Variants in CRLF2 observed in about 807,000 individuals in gnomAD.
CRLF2 encodes cytokine receptor like factor 2, also known as cytokine receptor-like factor 2.
Under a neutral mutation model 38.7 loss-of-function variants are expected in CRLF2, and 41 were observed. The ratio of observed to expected loss-of-function variants is 1.06; its 90% CI spans 0.83 to 1.37. CRLF2 has a LOEUF of 1.37. CRLF2 is among the 40% of genes most tolerant of loss of function. The pLI is 0.00. For missense variants in CRLF2, 377 were observed against 322.2 expected, an observed-to-expected ratio of 1.17 and a Z score of -1.30; for synonymous variants, 140 against 128.8, an observed-to-expected ratio of 1.09 and a Z score of -0.59.
At chrX:1,209,652 A>C (rs1433744266) in intron 1 of CRLF2, among the ~76,000 whole-genome samples, 1 of 152,090 alleles carries the variant, frequency 6.6e-6, no homozygotes, top group African/African-American at 2.4e-5. Context: ...TGTTTTTGCA[A>C]AAGGTAAGTT....
chrX:1,208,132 T>TA (rs1168868476), intron 2 of CRLF2, among the ~76,000 whole-genome samples: 2 of 152,098 alleles, frequency 1.3e-5, no homozygotes, highest in Admixed American at 1.3e-4. Context: ...GGGTTGGGGG[T>TA]AGCCCCGGGT....
At chrX:1,196,642 C>A in intron 6 of CRLF2, 138 bp downstream of exon 6, 1 of 1,122,576 alleles carries the variant, frequency 8.9e-7, no homozygotes, top group Non-Finnish European at 1.2e-6. Flanking sequence ...TCTTATAATC[C>A]ACCATCAGAA....
chrX:1,198,155 C>CCTAG (rs757208360), intron 5 of CRLF2, among the ~76,000 whole-genome samples: 5 of 76,824 alleles, frequency 6.5e-5, no homozygotes, highest in East Asian at 7.8e-4. Flanking sequence ...CCTCCCACCT[C>CCTAG]GAAGGCAGGA....
At chrX:1,192,721 TTTC>T (rs1422068112) in intron 7 of CRLF2, among the ~76,000 whole-genome samples, 3 of 65,252 alleles carry the variant, frequency 4.6e-5, no homozygotes, top group Admixed American at 1.6e-4. Context: ...TCTTTCTTTC[TTTC>T]TTTCTTTCTT....
intron 5 of CRLF2, among the ~76,000 whole-genome samples, chrX:1,197,217 C>T (rs76480852): frequency 0.086 from 12,916 of 150,882 alleles, 653 homozygotes; most frequent in Middle Eastern, 0.15. Context: ...CTCAGCCTCC[C>T]GAGCAGCTGG....
intron 6 of CRLF2, among the ~76,000 whole-genome samples, chrX:1,195,080 C>G (rs1177315778): frequency 0.053 from 7,942 of 150,932 alleles, 299 homozygotes; most frequent in Middle Eastern, 0.19. Flanking sequence ...AACCTCCCAC[C>G]TACTGGGGAG....
chrX:1,198,182 TCCCAGGAAGGCAGGACACCC>T (rs1569468887), intron 5 of CRLF2, among the ~76,000 whole-genome samples: 4,211 of 112,232 alleles, frequency 0.038, 389 homozygotes, highest in East Asian at 0.061. Context: ...CCCTCCCACC[TCCCAGGAAGGCAGGACACCC>T]TCCCTCCCAC....
chrX:1,200,680 G>C (rs1241119077), intron 4 of CRLF2, among the ~76,000 whole-genome samples: 2 of 61,906 alleles, frequency 3.2e-5, no homozygotes, highest in Non-Finnish European at 6.9e-5. Context: ...TATATAAGCT[G>C]TGTGTGTGTG....
intron 7 of CRLF2, among the ~76,000 whole-genome samples, chrX:1,192,186 C>T (rs1202858852): frequency 1.7e-5 from 2 of 118,958 alleles, no homozygotes; most frequent in South Asian, 2.8e-4. Flanking sequence ...GCCTGGGCGA[C>T]AGAGCGAGAC....
rs140859855 is a variant in CRLF2 at position 1,212,602 on chromosome X, G to A, written c.33C>T (p.Ala11=). 3.1e-6 allele frequency: 5 copies of A among 1,611,850 alleles called. No homozygotes were observed. Among genetic ancestry groups the A allele is most frequent in the East Asian group, 4.5e-5 (2 of 44,800 alleles). ...CCATCCAGCCTCCCAGCAGAAAGAC[G>A]GCAGCTCCCCACAGCAGAACCAGCC... MGRLVLLWGA[A]VFLLGGWMAL... is the part of the protein sequence containing the mutation. Residue 11 remains alanine, a synonymous_variant, in exon 1 of 8, where the codon GCC becomes GCT. Transcript: ENST00000400841.
intron 3 of CRLF2, among the ~76,000 whole-genome samples, chrX:1,205,228 T>C (rs2086671616): frequency 6.6e-6 from 1 of 152,196 alleles, no homozygotes; most frequent in Non-Finnish European, 1.5e-5. Flanking sequence ...GGGAACTTCC[T>C]GGAAGGCCGG....
At chrX:1,192,530 C>G (rs1254796507) in intron 7 of CRLF2, among the ~76,000 whole-genome samples, 1 of 151,702 alleles carries the variant, frequency 6.6e-6, no homozygotes, top group East Asian at 1.9e-4. Flanking sequence ...GCAGGAGAAT[C>G]ATTTGACCCT....
chrX:1,197,379 A>G (rs1295322908), intron 5 of CRLF2, among the ~76,000 whole-genome samples: 3 of 151,678 alleles, frequency 2.0e-5, no homozygotes, highest in South Asian at 2.1e-4. Context: ...GGACAACAAC[A>G]CATCCCACAG....
Position 1,199,928 on chromosome X carries a change from A to ACATGTGTTG in CRLF2, c.484-1205_484-1204insCAACACATG, listed in dbSNP as rs1231107303. 6.0e-5 allele frequency among the ~76,000 whole-genome samples: 9 copies of ACATGTGTTG among 150,588 alleles called. No individual in the cohort carries two copies. The East Asian group carries it at 1.8e-3, about 30-fold the overall frequency. On this transcript the variant is annotated intron_variant, in intron 4 of 7. Transcript: ENST00000400841. ...ATATATGTGTATATATAAGCTGTGT[A>ACATGTGTTG]TGTAAGGTGTGTATATATGTGTATA...
intron 6 of CRLF2, among the ~76,000 whole-genome samples, chrX:1,194,051 G>C (rs1219912003): frequency 6.6e-6 from 1 of 152,032 alleles, no homozygotes; most frequent in African/African-American, 2.4e-5. Context: ...CTTGAACCTG[G>C]GGGGCAGAGG....
chrX:1,205,049 A>G (rs1203601928), intron 3 of CRLF2, among the ~76,000 whole-genome samples: 98 of 151,564 alleles, frequency 6.5e-4, no homozygotes, highest in Admixed American at 2.6e-4. Context: ...CTGGTCTCGA[A>G]CTCCAGACCT....
intron 7 of CRLF2, among the ~76,000 whole-genome samples, chrX:1,191,361 C>CTTTATTT (rs1230620683): frequency 1.4e-5 from 1 of 73,172 alleles, no homozygotes; most frequent in Non-Finnish European, 2.7e-5. Flanking sequence ...TTCTTTCTTT[C>CTTTATTT]CTTTCTTTCT....
At chrX:1,191,369 TC>T (rs2086378059) in intron 7 of CRLF2, among the ~76,000 whole-genome samples, 19 of 83,106 alleles carry the variant, frequency 2.3e-4, no homozygotes, top group East Asian at 1.1e-3. Context: ...TTCCTTTCTT[TC>T]TCTTTCTTTC....
intron 5 of CRLF2, among the ~76,000 whole-genome samples, chrX:1,198,187 G>GGAAGGCAGGACACCCTCCCTCCCACCTC (rs2086528195): frequency 2.5e-5 from 3 of 122,430 alleles, no homozygotes; most frequent in Non-Finnish European, 5.3e-5. Flanking sequence ...CCACCTCCCA[G>GGAAGGCAGGACACCCTCCCTCCCACCTC]GAAGGCAGGA....
Sources: allele counts gnomAD v4.1 joint callset (sites outside exome capture counted in the v4.1 genomes callset), GRCh38; gene constraint gnomAD v4.1.1; transcripts MANE v1.5; gene names NCBI Gene and HGNC (gene_info 2026-07-23, HGNC 2026-07-21).